Variants in ARHGAP29 observed in about 807,000 individuals in gnomAD.
The protein encoded by ARHGAP29 is Rho GTPase activating protein 29, also known as rho GTPase-activating protein 29.
ARHGAP29 carries 43 observed loss-of-function variants against 122.6 expected under a neutral mutation model. The ratio of observed to expected loss-of-function variants is 0.35; its 90% confidence interval spans 0.27 to 0.45. The LOEUF (loss-of-function observed/expected upper bound fraction) is 0.45. Ranked by LOEUF, ARHGAP29 falls within the 20% of genes least tolerant of loss-of-function variation. The pLI is 1.00. For missense variants in ARHGAP29, 1,303 were observed against 1,477.2 expected (o/e 0.88, Z 1.93); for synonymous variants, 506 against 497.1 (o/e 1.02, Z -0.24).
the ARHGAP29 span, among the ~76,000 whole-genome samples, chr1:94,304,143 T>A: frequency 2.6e-5 from 4 of 152,144 alleles, no homozygotes; most frequent in East Asian, 5.8e-4. Context: ...CCACCTTTTT[T>A]GGGGGATGGG....
At chr1:94,270,805 A>G (rs970798392) in intron 1 of ARHGAP29, among the ~76,000 whole-genome samples, 2 of 152,212 alleles carry the variant, frequency 1.3e-5, no homozygotes, top group African/African-American at 4.8e-5. Flanking sequence ...AAAGAAAGTA[A>G]ATTTTCCCAA....
chr1:94,302,533 G>T, the ARHGAP29 span: 2 of 315,678 alleles, frequency 6.3e-6, no homozygotes, highest in South Asian at 2.6e-5. Flanking sequence ...ATCATGAAGC[G>T]ACTCAGCATC....
At chr1:94,283,313 C>T in the ARHGAP29 span, among the ~76,000 whole-genome samples, 1 of 152,088 alleles carries the variant, frequency 6.6e-6, no homozygotes, top group Admixed American at 6.6e-5. Flanking sequence ...GAGGGGTAAC[C>T]TGGTTACCAT....
chr1:94,257,418 A>G (rs975449954), intron 1 of ARHGAP29, among the ~76,000 whole-genome samples: 5 of 152,058 alleles, frequency 3.3e-5, no homozygotes, highest in Non-Finnish European at 7.4e-5. Flanking sequence ...AACAAAAAAA[A>G]GAATCTTGGC....
At chr1:94,188,125 T>C (rs1649917241) in intron 15 of ARHGAP29, among the ~76,000 whole-genome samples, 1 of 152,076 alleles carries the variant, frequency 6.6e-6, no homozygotes, top group African/African-American at 2.4e-5. Context: ...GATGTAAGAA[T>C]CTCATGGGTT....
chr1:94,287,670 G>C, the ARHGAP29 span, among the ~76,000 whole-genome samples: 1 of 151,868 alleles, frequency 6.6e-6, no homozygotes, highest in East Asian at 1.9e-4. Flanking sequence ...CCCCACAACA[G>C]GCCCTGGTGT....
chr1:94,244,733 A>T (rs1464164184), intron 1 of ARHGAP29, among the ~76,000 whole-genome samples: 1 of 152,136 alleles, frequency 6.6e-6, no homozygotes, highest in Non-Finnish European at 1.5e-5. Context: ...AATACACTAT[A>T]ATCAATTTTA....
chr1:94,181,250 T>C (rs575197253), intron 19 of ARHGAP29, among the ~76,000 whole-genome samples: 3 of 152,338 alleles, frequency 2.0e-5, no homozygotes, highest in Non-Finnish European at 2.9e-5. Flanking sequence ...CTAGGTCTTC[T>C]GATTCTGCTG....
intron 4 of ARHGAP29, 146 bp downstream of exon 4, chr1:94,209,108 A>G (rs1570542830): frequency 2.6e-6 from 2 of 767,724 alleles, no homozygotes; most frequent in Admixed American, 5.7e-5. Flanking sequence ...ATATAGTAAT[A>G]AGGCCATACA....
the ARHGAP29 span, among the ~76,000 whole-genome samples, chr1:94,292,910 G>A: frequency 0.09 from 13,771 of 152,208 alleles, 677 homozygotes; most frequent in South Asian, 0.13. Context: ...GGCTACACGG[G>A]GGTCTGGGAC....
chr1:94,222,233 T>C (rs941549404), intron 2 of ARHGAP29, among the ~76,000 whole-genome samples: 5 of 152,200 alleles, frequency 3.3e-5, no homozygotes, highest in Non-Finnish European at 1.5e-5. Flanking sequence ...AAAAAATGTG[T>C]GCAAATACTT....
In ARHGAP29 at chr1:94,188,958, A is replaced by G. The variant is rs1649971207; in HGVS notation, c.1577-17T>C. ...AGGAAGGACCTTTAATAAAAAGAAT[A>G]AAGTCAAAACTTGGCTACAGGTAGA... is the stretch of plus-strand genomic sequence containing the variant. On this transcript the variant is annotated splice_polypyrimidine_tract_variant and intron_variant, in intron 14 of 22. Transcript: ENST00000260526. The G allele has an allele frequency of 1.2e-6, 2 of 1,607,404 alleles. No individual in the cohort carries two copies. Among genetic ancestry groups the G allele is most frequent in the Non-Finnish European group, 8.5e-7 (1 of 1,175,458 alleles).
At chr1:94,191,954 T>C (rs781628737) in intron 12 of ARHGAP29, 2 of 152,214 alleles carry the variant, frequency 1.3e-5, no homozygotes, top group Admixed American at 6.5e-5. Context: ...GGCAGGTACG[T>C]AGTCAATCTT....
chr1:94,201,666 C>G (rs1257868922), intron 12 of ARHGAP29, 54 bp downstream of exon 12: 24 of 1,605,420 alleles, frequency 1.5e-5, no homozygotes, highest in Non-Finnish European at 1.7e-5. Flanking sequence ...AGCCACCATG[C>G]CTTGCCTGAT....
chr1:94,211,623 A>C (rs1275396396), intron 3 of ARHGAP29, among the ~76,000 whole-genome samples: 1 of 152,200 alleles, frequency 6.6e-6, no homozygotes, highest in Non-Finnish European at 1.5e-5. Context: ...AGTCTTGATG[A>C]GTTTAAAAGG....
intron 11 of ARHGAP29, 140 bp downstream of exon 11, chr1:94,202,404 T>A (rs1057086117): frequency 5.1e-6 from 5 of 978,708 alleles, no homozygotes; most frequent in South Asian, 1.6e-5. Flanking sequence ...ACCTACTGAA[T>A]GAGAAACTCT....
chr1:94,296,102 C>G, the ARHGAP29 span, among the ~76,000 whole-genome samples: 1 of 152,096 alleles, frequency 6.6e-6, no homozygotes, highest in African/African-American at 2.4e-5. Flanking sequence ...CAACCACAGT[C>G]TGAGAATATT....
the ARHGAP29 span, among the ~76,000 whole-genome samples, chr1:94,288,611 T>G: frequency 6.6e-6 from 1 of 152,238 alleles, no homozygotes; most frequent in South Asian, 2.1e-4. Context: ...GGTTTCCTTC[T>G]AGGGTTTTTA....
At chr1:94,303,633 T>C in the ARHGAP29 span, among the ~76,000 whole-genome samples, 7,423 of 152,254 alleles carry the variant, frequency 0.049, 621 homozygotes, top group African/African-American at 0.17. Flanking sequence ...AGACCACAGA[T>C]GTAAAGTATT....
Sources: gnomAD v4.1 joint callset for allele counts (sites outside exome capture counted in the v4.1 genomes callset) on GRCh38, gnomAD v4.1.1 for gene constraint, MANE v1.5 for transcripts, NCBI Gene and HGNC (gene_info 2026-07-23, HGNC 2026-07-21) for gene names.